Variants in AMZ1 observed in about 807,000 individuals in gnomAD.
The protein encoded by AMZ1 is archaemetzincin-1.
Under a neutral mutation model 29.9 loss-of-function variants are expected in AMZ1, and 39 were observed. The observed-to-expected ratio is 1.30, with a 90% confidence interval of 1.01 to 1.70. AMZ1 has a LOEUF of 1.70. Among genes scored for constraint, AMZ1 ranks in the 40% most tolerant of loss-of-function variants. The probability of loss-of-function intolerance (pLI) is 0.00; values close to 1 mark genes in which losing one functional copy is unlikely to be tolerated. For missense variants in AMZ1, 1,041 were observed against 680.6 expected (o/e 1.53, Z -5.89); for synonymous variants, 458 against 304.0 (o/e 1.51, Z -5.27).
At chr7:2,691,768 G>A (rs1787405042) in intron 1 of AMZ1, among the ~76,000 whole-genome samples, 1 of 151,002 alleles carries the variant, frequency 6.6e-6, no homozygotes, top group Admixed American at 6.6e-5. Flanking sequence ...TTGGGGCTTT[G>A]CAGGGTGGCA....
downstream of AMZ1, among the ~76,000 whole-genome samples, chr7:2,720,683 G>T (rs895151438): frequency 2.6e-5 from 4 of 151,770 alleles, no homozygotes; most frequent in Admixed American, 2.6e-4. Context: ...TTATAGGTGT[G>T]AGCCACTGCG....
At chr7:2,730,866 C>G in intron 4 of AMZ1, 1 of 322,302 alleles carries the variant, frequency 3.1e-6, no homozygotes, top group South Asian at 4.7e-5. Context: ...CTCAATTAAA[C>G]TGCGTCAGAA....
rs796281429 is a variant in AMZ1, at chr7:2,737,219, CT to C, written n.550+27407del. On this transcript the variant is annotated intron_variant and non_coding_transcript_variant, in intron 4 of 4. Transcript: ENST00000489665. ...AACTTCCAGCTCCTGGCCAGAGGGC[CT>C]TTTAATTTTAAACCCTATCTGCCCA... Among the ~76,000 whole-genome samples the C allele has an allele frequency of 4.0e-4, 58 of 146,588 alleles. 1 individual carries two copies. Among genetic ancestry groups the C allele is most frequent in the African/African-American group, 1.1e-3 (42 of 39,574 alleles).
chr7:2,722,493 G>A (rs552636271), downstream of AMZ1, among the ~76,000 whole-genome samples: 1 of 152,084 alleles, frequency 6.6e-6, no homozygotes, highest in African/African-American at 2.4e-5. Context: ...GGATGGTGTC[G>A]ATCTCCTGAC....
In AMZ1 at chr7:2,712,462, G is replaced by A. The variant is rs148396842; in HGVS notation, c.1081G>A (p.Gly361Ser). The A allele has an allele frequency of 7.9e-5, 127 of 1,610,830 alleles. No individual in the cohort carries two copies. The highest frequency in any genetic ancestry group is 5.2e-4 in the African/African-American group (39 of 74,912). The part of the protein sequence containing the change: ...GMCCESDSEP[G>S]TSVSEPLTPD... ...GTGCTGTGAGAGTGACTCGGAGCCC[G>A]GCACCAGTGTGTCGGAGCCCCTCAC... is the stretch of plus-strand genomic sequence containing the variant. Residue 361 changes from glycine to serine, a missense_variant, in exon 7 of 7, where the codon GGC (glycine) becomes AGC (serine). Physicochemically the swap from Gly to Ser is moderately conservative, Grantham distance 56. Transcript: ENST00000683327.
chr7:2,712,188 A>G, intron 6 of AMZ1, 142 bp from the exon 7 acceptor site: 1 of 843,578 alleles, frequency 1.2e-6, no homozygotes, highest in Non-Finnish European at 1.8e-6. Context: ...TGGTCACAAG[A>G]GCCCTCACAC....
intron 4 of AMZ1, among the ~76,000 whole-genome samples, chr7:2,757,152 T>G (rs1417425831): frequency 3.4e-5 from 4 of 116,134 alleles, no homozygotes; most frequent in African/African-American, 1.2e-4. Flanking sequence ...TTTTTTTTTT[T>G]TGAGACGGAG....
chr7:2,758,391 A>G (rs1403112696), intron 4 of AMZ1, among the ~76,000 whole-genome samples: 1 of 152,184 alleles, frequency 6.6e-6, no homozygotes, highest in Non-Finnish European at 1.5e-5. Flanking sequence ...CACATGAAAG[A>G]GGGTGTAAAG....
chr7:2,690,933 G>A (rs1411610726), intron 1 of AMZ1, among the ~76,000 whole-genome samples: 4 of 151,996 alleles, frequency 2.6e-5, no homozygotes, highest in Non-Finnish European at 5.9e-5. Context: ...TTGAGGCCAG[G>A]AGTTCGATAC....
At position 2,712,630 on chromosome 7, in the gene AMZ1, G is replaced by A. The variant is rs1298945825; in HGVS notation, c.1249G>A (p.Ala417Thr). The change falls in exon 7 of 7, where the codon GCC becomes ACC. Residue 417 changes from alanine to threonine, a missense_variant. Physicochemically the swap from Ala to Thr is moderately conservative, Grantham distance 58. Coordinates refer to ENST00000683327, the MANE Select transcript of AMZ1 (RefSeq NM_001384743.1). ...HERWLAMCIQALQREVAEEDL... is the reference protein window; with the variant it reads ...HERWLAMCIQTLQREVAEEDL... ...ACGGTGGCTGGCCATGTGCATCCAG[G>A]CCCTGCAGCGGGAAGTGGCAGAGGA... 6.2e-6 allele frequency: 10 copies of A among 1,613,052 alleles called. No homozygotes were observed. In the Admixed American group the frequency reaches 1.3e-4, roughly 22 times the overall value.
In AMZ1 at chr7:2,712,431, G is replaced by C. The variant is rs61742582; in HGVS notation, c.1050G>C (p.Ser350=). 5 of 1,611,684 alleles carry C rather than the reference G, an allele frequency of 3.1e-6. No homozygotes were observed. Among genetic ancestry groups the C allele is most frequent in the African/African-American group, 1.3e-5 (1 of 74,918 alleles). The change falls in exon 7 of 7, where the codon TCG becomes TCC. Residue 350 remains serine (S), a synonymous_variant. Transcript: ENST00000683327. ...WEDTPPASAD[S]GMCCESDSEP... ...ACACCCCGCCTGCCAGCGCCGACTC[G>C]GGCATGTGCTGTGAGAGTGACTCGG...
At position 2,731,678 on chromosome 7, in the gene AMZ1, C is replaced by T. The variant is rs201475988; in HGVS notation, n.550+21862C>T. 3.2e-5 allele frequency: 51 copies of T among 1,608,054 alleles called. 1 individual carries two copies. Among genetic ancestry groups the T allele is most frequent in the Admixed American group, 5.1e-5 (3 of 59,124 alleles). On this transcript the variant is annotated intron_variant and non_coding_transcript_variant, in intron 4 of 4. Coordinates refer to the AMZ1 transcript ENST00000489665. This position sits in a 1 kb window ranked among gnomAD's most constrained non-coding sequence, Gnocchi z 6.0. ...ATCTTAAAGGGGATCTTCTTAATAA[C>T]GAAGTCATGCTCCACAATTCCCTTG...
At chr7:2,728,750 A>C (rs1370356446) in intron 4 of AMZ1, 2 of 152,468 alleles carry the variant, frequency 1.3e-5, no homozygotes, top group African/African-American at 4.8e-5. Flanking sequence ...ATGACAGTTT[A>C]GCCTTGCAGA....
intron 4 of AMZ1, among the ~76,000 whole-genome samples, chr7:2,743,748 G>T (rs545013791): frequency 6.6e-6 from 1 of 152,212 alleles, no homozygotes; most frequent in Non-Finnish European, 1.5e-5. Context: ...GGAAGCGCAA[G>T]GGGTCAGGGA....
At chr7:2,696,028 A>G (rs951696577) in intron 1 of AMZ1, among the ~76,000 whole-genome samples, 3 of 147,344 alleles carry the variant, frequency 2.0e-5, no homozygotes, top group Non-Finnish European at 4.5e-5. Flanking sequence ...AAAAAAAAAA[A>G]AGGAAATGGA....
chr7:2,737,082 G>C (rs1790220025), intron 4 of AMZ1, among the ~76,000 whole-genome samples: 1 of 152,106 alleles, frequency 6.6e-6, no homozygotes, highest in Admixed American at 6.6e-5. Context: ...GCCCATGTGT[G>C]GGTCCCACTG....
chr7:2,733,604 G>A (rs1441358103), intron 4 of AMZ1: 9 of 824,118 alleles, frequency 1.1e-5, no homozygotes, highest in African/African-American at 3.4e-5. Flanking sequence ...TTTCGCCTCC[G>A]TGTGAATGGG....
chr7:2,709,309 C>T (rs142796061), intron 5 of AMZ1, 65 bp downstream of exon 5: 431 of 1,414,764 alleles, frequency 3.0e-4, no homozygotes, highest in Non-Finnish European at 3.7e-4. Context: ...CTTGGTGCCT[C>T]GGTCTGTTAC....
chr7:2,703,615 G>C (rs941318344), intron 3 of AMZ1, among the ~76,000 whole-genome samples: 1 of 152,190 alleles, frequency 6.6e-6, no homozygotes, highest in Non-Finnish European at 1.5e-5. Flanking sequence ...GGCTCTGTTG[G>C]TGGATAGGAA....
Sources: gnomAD v4.1 joint callset for allele counts (sites outside exome capture counted in the v4.1 genomes callset) on GRCh38, gnomAD v4.1.1 for gene constraint, Gnocchi (gnomAD v3.1) non-coding constraint, MANE v1.5 for transcripts, NCBI Gene and HGNC (gene_info 2026-07-23, HGNC 2026-07-21) for gene names.